The following ZNF749 variants were observed in gnomAD, a reference collection of about 807,000 sequenced individuals.
ZNF749 encodes the protein zinc finger protein 749.
ZNF749 carries 8 observed loss-of-function variants against 7.3 expected under a neutral mutation model. That is an observed-to-expected ratio of 1.10 (90% CI 0.64 to 1.98). The LOEUF (loss-of-function observed/expected upper bound fraction) is 1.98, where lower values mean the gene tolerates loss of function less well. ZNF749 is among the 30% of genes most tolerant of loss of function. The pLI is 0.00. For missense variants in ZNF749, 898 were observed against 932.4 expected (o/e 0.96, Z 0.48); for synonymous variants, 310 against 322.4 (o/e 0.96, Z 0.41).
intron 1 of ZNF749, among the ~76,000 whole-genome samples, chr19:57,435,888 G>C (rs1317057538): frequency 6.6e-6 from 1 of 152,246 alleles, no homozygotes; most frequent in Non-Finnish European, 1.5e-5. Context: ...GAGCCGCAGA[G>C]AGCCATAGAG....
rs2089003924 is a variant in ZNF749 at position 57,442,626 on chromosome 19, CTA to C, written c.142+617_142+618del. Among the ~76,000 whole-genome samples the C allele has an allele frequency of 6.6e-6, 1 of 152,116 alleles. No homozygotes were observed. Among genetic ancestry groups the C allele is most frequent in the African/African-American group, 2.4e-5 (1 of 41,404 alleles). On this transcript the variant is annotated intron_variant, in intron 2 of 2. Transcript: ENST00000334181. The surrounding 1 kb of genome is among the most constrained non-coding windows in gnomAD (Gnocchi z 6.6). The stretch of plus-strand genomic sequence containing the variant: ...GGTGCCTGGCAGAGTGGATAGTCCT[CTA>C]TTAATGGCAAGAGACACTCAGAAGG...
upstream of ZNF749, among the ~76,000 whole-genome samples, chr19:57,431,995 A>T (rs1262547263): frequency 3.3e-5 from 5 of 151,842 alleles, no homozygotes; most frequent in African/African-American, 1.2e-4. Flanking sequence ...TGTATTTTTT[A>T]GTAAAGATGG....
upstream of ZNF749, among the ~76,000 whole-genome samples, chr19:57,430,964 C>T (rs1334931253): frequency 6.9e-6 from 1 of 145,816 alleles, no homozygotes; most frequent in African/African-American, 2.5e-5. Flanking sequence ...CACTTGAACC[C>T]GGGAGGCAGA....
Position 57,446,328 on chromosome 19 carries a change from T to C in ZNF749, c.*843T>C, listed in dbSNP as rs1295061836. On this transcript the variant is annotated 3_prime_UTR_variant, in exon 3 of 3. Coordinates refer to ENST00000334181, the MANE Select transcript of ZNF749 (RefSeq NM_001023561.4). ...AGGTGGGACAGTTTTATTCTGAAACTGTCTGCCCCCTCCTCTGTCCCTGAT... is the reference window on the plus strand; with the variant it reads ...AGGTGGGACAGTTTTATTCTGAAACCGTCTGCCCCCTCCTCTGTCCCTGAT... Among the ~76,000 whole-genome samples the C allele has an allele frequency of 1.3e-5, 2 of 152,208 alleles. No individual in the cohort carries two copies. Among genetic ancestry groups the C allele is most frequent in the African/African-American group, 4.8e-5 (2 of 41,460 alleles).
chr19:57,442,035 G>C lies in ZNF749; in HGVS notation c.142+24G>C. ...AGGTAAGGCCTTCATACCTACTCTG[G>C]TGTCTTGTGCTGGGTGCTGTTTTTT... On this transcript the variant is annotated intron_variant, in intron 2 of 2. Transcript: ENST00000334181. This position sits in a 1 kb window ranked among gnomAD's most constrained non-coding sequence, Gnocchi z 6.6. 6.2e-7 allele frequency: 1 copy of C among 1,610,210 alleles called. No homozygotes were observed. Among genetic ancestry groups the C allele is most frequent in the South Asian group, 1.1e-5 (1 of 90,352 alleles).
At position 57,435,367 on chromosome 19, in the gene ZNF749, A is replaced by T. The variant is rs1326759188; in HGVS notation, c.-212A>T. 1.5e-6 allele frequency: 1 copy of T among 678,928 alleles called. No individual in the cohort carries two copies. 42.1% of individuals were successfully genotyped at this position (678,928 alleles called of 1,614,324 possible). On this transcript the variant is annotated 5_prime_UTR_variant, in exon 1 of 3. The change abolishes the stop of an existing upstream ORF in the 5' untranslated region. Coordinates refer to ENST00000334181, the MANE Select transcript of ZNF749 (RefSeq NM_001023561.4). ...CATGGTTGCGTTAGCATGGCTACCTAGGGATCTGTTCACTGATTTAGAGGG... is the reference window on the plus strand; with the variant it reads ...CATGGTTGCGTTAGCATGGCTACCTTGGGATCTGTTCACTGATTTAGAGGG...
chr19:57,432,669 GTCA>G (rs1355183865), upstream of ZNF749, among the ~76,000 whole-genome samples: 1 of 149,938 alleles, frequency 6.7e-6, no homozygotes, highest in East Asian at 2.0e-4. Context: ...AACTTAACAT[GTCA>G]TCATGGATTT....
chr19:57,429,237 G>C, the ZNF749 span, among the ~76,000 whole-genome samples: 951 of 152,204 alleles, frequency 6.2e-3, 13 homozygotes, highest in African/African-American at 0.022. This position sits in a 1 kb window ranked among gnomAD's most constrained non-coding sequence, Gnocchi z 4.2. Context: ...TATTGGCCGG[G>C]CTGGTCTCGA....
At chr19:57,430,824 G>A (rs767777293), upstream of ZNF749, among the ~76,000 whole-genome samples, 4 of 152,010 alleles carry the variant, frequency 2.6e-5, no homozygotes, top group East Asian at 1.9e-4. Flanking sequence ...GGCAGATCAC[G>A]AGGTCAGGAG....
rs865936481 is a variant in ZNF749 at position 57,443,916 on chromosome 19, A to C, written c.768A>C (p.Glu256Asp). 6.2e-7 allele frequency: 1 copy of C among 1,613,916 alleles called. No individual in the cohort carries two copies. Among genetic ancestry groups the C allele is most frequent in the African/African-American group, 1.3e-5 (1 of 74,926 alleles). The change falls in exon 3 of 3, where the codon GAA (glutamate) becomes GAC (aspartate). Residue 256 changes from glutamate to aspartate, a missense_variant. Transcript: ENST00000334181. ...GAGAAAGGCCTTATGAGGGCACTGA[A>C]TATGGAAAGACCTTTATTAGAAAGT... ...HAGERPYEGT[E>D]YGKTFIRKSN...
upstream of ZNF749, among the ~76,000 whole-genome samples, chr19:57,433,316 G>A (rs1291176906): frequency 1.3e-5 from 2 of 152,166 alleles, no homozygotes; most frequent in African/African-American, 2.4e-5. Context: ...GATGTTGTCT[G>A]GCTTCCTGGC....
rs1018110034 is a variant in ZNF749 at position 57,436,002 on chromosome 19, C to G, written c.15+409C>G. 6.6e-6 allele frequency among the ~76,000 whole-genome samples: 1 copy of G among 152,056 alleles called. No homozygotes were observed. Among genetic ancestry groups the G allele is most frequent in the Non-Finnish European group, 1.5e-5 (1 of 68,000 alleles). On this transcript the variant is annotated intron_variant, in intron 1 of 2. Transcript: ENST00000334181. The surrounding 1 kb of genome is among the most constrained non-coding windows in gnomAD (Gnocchi z 4.0). ...GGGGCAGGGGGACCGCTGAGGAGAC[C>G]CCTTGAGTTATGGTAGGGCTGGGCC...
chr19:57,443,247 C>T (rs2089011324), intron 2 of ZNF749, 44 bp from the exon 3 acceptor site: 1 of 1,522,732 alleles, frequency 6.6e-7, no homozygotes, highest in Non-Finnish European at 9.0e-7. Context: ...TGTCTCCTCC[C>T]TCCGGAGTTC....
In ZNF749 at chr19:57,439,066, G is replaced by A. The variant is rs180897102; in HGVS notation, c.16-2819G>A. 2.3e-4 allele frequency among the ~76,000 whole-genome samples: 35 copies of A among 152,206 alleles called. No individual in the cohort carries two copies. Among genetic ancestry groups the A allele is most frequent in the Middle Eastern group, 3.4e-3 (1 of 294 alleles). ...TTCATCTGAGGGCGATGGTAACTAG[G>A]GAAGGTTTGAGGAGGGGGGAAAAAG... On this transcript the variant is annotated intron_variant, in intron 1 of 2. Transcript: ENST00000334181. The surrounding 1 kb of genome is among the most constrained non-coding windows in gnomAD (Gnocchi z 4.3).
Position 57,441,962 on chromosome 19 carries a change from C to T in ZNF749, c.93C>T (p.His31=), listed in dbSNP as rs774784141. ...GGATCCTTAATGATGCTCAGAGACA[C>T]CTGCACAGCAATGTGATGTTGGAGA... ...EWGILNDAQR[H]LHSNVMLENF... is the part of the protein sequence containing the mutation. The change falls in exon 2 of 3, where the codon CAC becomes CAT. Residue 31 remains histidine, a synonymous_variant. Transcript: ENST00000334181. 3.7e-6 allele frequency: 6 copies of T among 1,614,044 alleles called. No individual in the cohort carries two copies. Among genetic ancestry groups the T allele is most frequent in the Non-Finnish European group, 5.1e-6 (6 of 1,180,032 alleles).
intron 1 of ZNF749, among the ~76,000 whole-genome samples, chr19:57,441,610 A>G (rs1397594351): frequency 6.6e-6 from 1 of 151,964 alleles, no homozygotes; most frequent in Non-Finnish European, 1.5e-5. Context: ...AGGAGCTTAA[A>G]ACTCAGTGGT....
At chr19:57,431,837 T>C (rs1401290370), upstream of ZNF749, among the ~76,000 whole-genome samples, 1 of 152,022 alleles carries the variant, frequency 6.6e-6, no homozygotes, top group Non-Finnish European at 1.5e-5. Context: ...TGTTTTTGTT[T>C]TTTTAACGGA....
chr19:57,433,111 A>AGTGTGTGTGT (rs71186260), upstream of ZNF749, among the ~76,000 whole-genome samples: 167 of 143,506 alleles, frequency 1.2e-3, no homozygotes, highest in Middle Eastern at 7.0e-3. Context: ...AGTCTTGAGG[A>AGTGTGTGTGT]GTGTGTGTGT....
Position 57,435,551 on chromosome 19 carries a change from C to G in ZNF749, c.-28C>G, listed in dbSNP as rs758349358. On this transcript the variant is annotated 5_prime_UTR_variant, in exon 1 of 3. Transcript: ENST00000334181. ...GACCGCCGTTCCCGCCCCGCTCTTCCCTGGGTGGACTGGAGGAGGCCGCGC... is the reference window on the plus strand; with the variant it reads ...GACCGCCGTTCCCGCCCCGCTCTTCGCTGGGTGGACTGGAGGAGGCCGCGC... 8.1e-6 allele frequency: 13 copies of G among 1,601,608 alleles called. No homozygotes were observed. The highest frequency in any genetic ancestry group is 1.1e-5 in the Non-Finnish European group (13 of 1,175,708).
Sources: allele counts gnomAD v4.1 joint callset (sites outside exome capture counted in the v4.1 genomes callset), GRCh38; gene constraint gnomAD v4.1.1; non-coding constraint Gnocchi (gnomAD v3.1); transcripts MANE v1.5; gene names NCBI Gene and HGNC (gene_info 2026-07-23, HGNC 2026-07-21).